Variants in CSMD1 observed in about 807,000 individuals in gnomAD.
CSMD1 encodes the protein CUB and sushi domain-containing protein 1.
In CSMD1, 213 loss-of-function variants were observed where a neutral mutation model predicts 417.5. The ratio of observed to expected loss-of-function variants is 0.51; its 90% CI spans 0.46 to 0.57. The LOEUF (loss-of-function observed/expected upper bound fraction) is 0.57, where lower values mean the gene tolerates loss of function less well. CSMD1 is among the 20% of genes least tolerant of loss of function. The probability of loss-of-function intolerance (pLI) is 0.00; values close to 1 mark genes in which losing one functional copy is unlikely to be tolerated. For synonymous variants in CSMD1, 2,862 were observed against 1,736.8 expected (o/e 1.65, Z -16.11); for missense variants, 6,923 against 4,529.7 (o/e 1.53, Z -15.17).
chr8:4,213,173 G>A (rs765790148), intron 3 of CSMD1, among the ~76,000 whole-genome samples: 2 of 152,256 alleles, frequency 1.3e-5, no homozygotes, highest in South Asian at 4.1e-4. Context: ...CAAATGGGGA[G>A]AGACATAGTT....
intron 3 of CSMD1, among the ~76,000 whole-genome samples, chr8:4,336,002 A>C (rs1420038247): frequency 6.6e-6 from 1 of 152,162 alleles, no homozygotes; most frequent in African/African-American, 2.4e-5. Context: ...CTCACTGTCA[A>C]GTTAAGATTT....
intron 4 of CSMD1, among the ~76,000 whole-genome samples, chr8:3,999,259 C>T (rs1419378648): frequency 1.3e-5 from 2 of 151,846 alleles, no homozygotes; most frequent in Admixed American, 1.3e-4. Context: ...AAAAGTCAGC[C>T]TGTTACCAAG....
At chr8:4,440,283 G>C (rs1291619858) in intron 2 of CSMD1, among the ~76,000 whole-genome samples, 1 of 152,120 alleles carries the variant, frequency 6.6e-6, no homozygotes, top group Non-Finnish European at 1.5e-5. Flanking sequence ...CACAGCATTG[G>C]TACTATAACC....
At chr8:4,802,474 A>G (rs959245775) in intron 1 of CSMD1, among the ~76,000 whole-genome samples, 1 of 151,880 alleles carries the variant, frequency 6.6e-6, no homozygotes, top group African/African-American at 2.4e-5. Flanking sequence ...ACAAACCACG[A>G]AATCAAACAA....
intron 2 of CSMD1, among the ~76,000 whole-genome samples, chr8:4,604,381 T>TTGTGTGTGTG (rs368710127): frequency 0.01 from 950 of 91,600 alleles, 12 homozygotes; most frequent in African/African-American, 0.028. Flanking sequence ...ACAAATAGCA[T>TTGTGTGTGTG]TGTGTGTGTG....
chr8:3,310,121 G>C (rs1805209455), intron 23 of CSMD1, among the ~76,000 whole-genome samples: 1 of 152,152 alleles, frequency 6.6e-6, no homozygotes, highest in Non-Finnish European at 1.5e-5. Flanking sequence ...AGAAATTAGG[G>C]GGATGGTTTC....
chr8:4,308,684 G>C lies in CSMD1; in HGVS notation c.415+111269C>G, dbSNP rs114293204. ...TAAGAGGCTTTACGCAAATATCTGG[G>C]TGCTTTTGGAGTTTAATTGCATTTG... On this transcript the variant is annotated intron_variant, in intron 3 of 69. Transcript: ENST00000635120. 3.0e-3 allele frequency among the ~76,000 whole-genome samples: 462 copies of C among 152,268 alleles called. 1 individual carries two copies. The highest frequency in any genetic ancestry group is 0.01 in the African/African-American group (428 of 41,538).
chr8:3,785,595 T>A (rs79760179), intron 5 of CSMD1, among the ~76,000 whole-genome samples: 20,349 of 152,262 alleles, frequency 0.13, 1,671 homozygotes, highest in African/African-American at 0.22. Flanking sequence ...TTGGATCATT[T>A]GATCTCATTT....
intron 2 of CSMD1, among the ~76,000 whole-genome samples, chr8:4,456,973 G>A (rs1426868432): frequency 1.5e-5 from 1 of 67,418 alleles, no homozygotes; most frequent in East Asian, 7.8e-4. Flanking sequence ...TTTGATGAGT[G>A]TGGTTTTTTT....
At chr8:3,957,172 C>A (rs1260731240) in intron 5 of CSMD1, among the ~76,000 whole-genome samples, 1 of 152,122 alleles carries the variant, frequency 6.6e-6, no homozygotes, top group Non-Finnish European at 1.5e-5. Context: ...TCTGCTAGAT[C>A]CCTGATGTAA....
chr8:3,619,796 C>A (rs1233003257), intron 7 of CSMD1, among the ~76,000 whole-genome samples: 1 of 152,182 alleles, frequency 6.6e-6, no homozygotes, highest in Non-Finnish European at 1.5e-5. Context: ...AATGGATAGG[C>A]TGGGCACGGT....
At chr8:3,556,510 TCACACG>T (rs1167039274) in intron 10 of CSMD1, among the ~76,000 whole-genome samples, 4 of 93,924 alleles carry the variant, frequency 4.3e-5, no homozygotes, top group East Asian at 6.1e-4. Flanking sequence ...AACTTCTTTT[TCACACG>T]CACACACACA....
intron 5 of CSMD1, among the ~76,000 whole-genome samples, chr8:3,843,861 G>A (rs890844929): frequency 6.6e-6 from 1 of 152,156 alleles, no homozygotes; most frequent in Non-Finnish European, 1.5e-5. Flanking sequence ...AAAGTAAAGA[G>A]GGACAGATAT....
chr8:3,653,986 T>C (rs1009967212), intron 7 of CSMD1, among the ~76,000 whole-genome samples: 1 of 152,198 alleles, frequency 6.6e-6, no homozygotes, highest in Non-Finnish European at 1.5e-5. Flanking sequence ...AAATGTGATT[T>C]GAACTTGGAT....
chr8:4,968,528 A>G (rs1810026587), intron 1 of CSMD1, among the ~76,000 whole-genome samples: 1 of 152,132 alleles, frequency 6.6e-6, no homozygotes, highest in Non-Finnish European at 1.5e-5. Context: ...CACCTGCACT[A>G]CTAAAAACCA....
intron 3 of CSMD1, among the ~76,000 whole-genome samples, chr8:4,330,977 A>G (rs549332412): frequency 6.6e-6 from 1 of 152,238 alleles, no homozygotes; most frequent in South Asian, 2.1e-4. Flanking sequence ...CCCCCGACAT[A>G]TACAGCCGCC....
At chr8:4,449,545 T>C (rs760541509) in intron 2 of CSMD1, among the ~76,000 whole-genome samples, 1 of 152,200 alleles carries the variant, frequency 6.6e-6, no homozygotes, top group African/African-American at 2.4e-5. Flanking sequence ...TCACAGGAAG[T>C]TGGATCCCAA....
intron 2 of CSMD1, among the ~76,000 whole-genome samples, chr8:4,421,967 A>G (rs771826586): frequency 6.6e-6 from 1 of 152,046 alleles, no homozygotes; most frequent in African/African-American, 2.4e-5. Flanking sequence ...AACATCAAAT[A>G]TTACTATGAA....
intron 1 of CSMD1, among the ~76,000 whole-genome samples, chr8:4,901,375 T>C (rs1055227193): frequency 1.5e-4 from 23 of 152,220 alleles, no homozygotes; most frequent in Non-Finnish European, 1.6e-4. Context: ...TAGAAGACTA[T>C]TGCAGTTAGG....
Sources: gnomAD v4.1 joint callset for allele counts (sites outside exome capture counted in the v4.1 genomes callset) on GRCh38, gnomAD v4.1.1 for gene constraint, MANE v1.5 for transcripts, NCBI Gene and HGNC (gene_info 2026-07-23, HGNC 2026-07-21) for gene names.